Variants in NUS1 observed in about 807,000 individuals in gnomAD.
NUS1 encodes dehydrodolichyl diphosphate synthase complex subunit NUS1.
For synonymous variants in NUS1, 135 were observed against 155.2 expected (o/e 0.87, Z 0.97); for missense variants, 292 against 382.9 (o/e 0.76, Z 1.98).
chr6:117,683,015 AT>A (rs925949368), intron 1 of NUS1, among the ~76,000 whole-genome samples: 1 of 152,188 alleles, frequency 6.6e-6, no homozygotes, highest in Non-Finnish European at 1.5e-5. Context: ...TATAGGACAC[AT>A]TTTTTAAAAA....
chr6:117,696,348 A>T (rs1773320553), intron 3 of NUS1, among the ~76,000 whole-genome samples: 1 of 152,144 alleles, frequency 6.6e-6, no homozygotes, highest in South Asian at 2.1e-4. Flanking sequence ...ATGGGTTACA[A>T]AGTTTATTTA....
At chr6:117,686,900 A>C (rs1773149391) in intron 1 of NUS1, among the ~76,000 whole-genome samples, 2 of 144,982 alleles carry the variant, frequency 1.4e-5, no homozygotes, top group South Asian at 4.4e-4. Flanking sequence ...GTGTGTGTGT[A>C]GACATTGAAT....
chr6:117,680,363 G>T (rs2114677893), intron 1 of NUS1, among the ~76,000 whole-genome samples: 1 of 152,308 alleles, frequency 6.6e-6, no homozygotes, highest in East Asian at 1.9e-4. Flanking sequence ...AGTGTTGTTT[G>T]CCTGTGTCTC....
intron 1 of NUS1, among the ~76,000 whole-genome samples, chr6:117,676,470 A>G (rs143797072): frequency 0.045 from 6,788 of 152,134 alleles, 264 homozygotes; most frequent in Non-Finnish European, 0.069. Flanking sequence ...CCCAGCTACT[A>G]GGGAGGCTGA....
intron 1 of NUS1, among the ~76,000 whole-genome samples, chr6:117,683,446 A>G (rs74400690): frequency 0.038 from 5,778 of 152,232 alleles, 392 homozygotes; most frequent in African/African-American, 0.13. Flanking sequence ...CTCCATAAAT[A>G]TATGTTTTCT....
chr6:117,701,968 A>T (rs1773418012), intron 3 of NUS1, among the ~76,000 whole-genome samples: 1 of 152,122 alleles, frequency 6.6e-6, no homozygotes, highest in African/African-American at 2.4e-5. Context: ...GATTTCTGGT[A>T]TTGGAAACTG....
chr6:117,685,488 A>G (rs964709094), intron 1 of NUS1, among the ~76,000 whole-genome samples: 9 of 151,578 alleles, frequency 5.9e-5, no homozygotes, highest in Non-Finnish European at 1.3e-4. Flanking sequence ...CCTCCTGAGT[A>G]GGTTGTACTA....
chr6:117,693,932 T>C (rs748518417), intron 2 of NUS1, 99 bp from the exon 3 acceptor site: 451 of 1,300,248 alleles, frequency 3.5e-4, no homozygotes, highest in Non-Finnish European at 4.5e-4. Context: ...GTAAGAACTG[T>C]ATGTTTATTT....
chr6:117,702,891 G>A (rs1773431312), intron 3 of NUS1, among the ~76,000 whole-genome samples: 1 of 152,182 alleles, frequency 6.6e-6, no homozygotes, highest in South Asian at 2.1e-4. Flanking sequence ...TTGGATTATA[G>A]TATCTTTTTT....
intron 3 of NUS1, among the ~76,000 whole-genome samples, chr6:117,694,616 G>A (rs1043597299): frequency 8.6e-5 from 13 of 151,790 alleles, no homozygotes; most frequent in Admixed American, 2.6e-4. Context: ...TTTCTATTAT[G>A]CTATACCAAA....
chr6:117,678,253 TG>T (rs1773011785), intron 1 of NUS1, among the ~76,000 whole-genome samples: 4 of 152,116 alleles, frequency 2.6e-5, no homozygotes, highest in Non-Finnish European at 4.4e-5. Context: ...TTTTTTTGTT[TG>T]TTTTTTTTAA....
In NUS1 at chr6:117,709,678, G is replaced by A. The variant is rs1444981837; in HGVS notation, c.*2663G>A. On this transcript the variant is annotated 3_prime_UTR_variant, in exon 5 of 5. Transcript: ENST00000368494. ...GTCAATCAAATCCTTGTGATGTTTTGTATGGACTTTGACAATATGTAAATA... is the reference window on the plus strand; with the variant it reads ...GTCAATCAAATCCTTGTGATGTTTTATATGGACTTTGACAATATGTAAATA... 6.6e-6 allele frequency: 1 copy of A among 152,410 alleles called. No homozygotes were observed. Among genetic ancestry groups the A allele is most frequent in the East Asian group, 1.9e-4 (1 of 5,196 alleles). The allele number at this position is 152,410 out of a possible 1,614,324, so 9.4% of individuals were successfully genotyped here.
At chr6:117,703,505 A>G (rs1481261150) in intron 3 of NUS1, 100 bp from the exon 4 acceptor site, 3 of 876,384 alleles carry the variant, frequency 3.4e-6, no homozygotes, top group Non-Finnish European at 3.8e-6. Flanking sequence ...TAAAGAACCA[A>G]TTTGATTAAT....
intron 3 of NUS1, among the ~76,000 whole-genome samples, chr6:117,698,527 GAA>G (rs139492925): frequency 0.045 from 6,856 of 152,030 alleles, 401 homozygotes; most frequent in East Asian, 0.27. Context: ...CTGAAGTAAT[GAA>G]AAGTCTTAGA....
At chr6:117,692,838 CT>C (rs146771267) in intron 1 of NUS1, among the ~76,000 whole-genome samples, 1 of 151,814 alleles carries the variant, frequency 6.6e-6, no homozygotes, top group Non-Finnish European at 1.5e-5. Context: ...TACCTCTGTT[CT>C]TTTTTTTGCT....
chr6:117,678,767 G>A (rs1479261163), intron 1 of NUS1, among the ~76,000 whole-genome samples: 2 of 140,480 alleles, frequency 1.4e-5, no homozygotes, highest in Non-Finnish European at 3.0e-5. Context: ...TGCAACCTCC[G>A]TCTCCCAGAT....
intron 3 of NUS1, among the ~76,000 whole-genome samples, chr6:117,697,587 T>G (rs1172122104): frequency 6.6e-6 from 1 of 151,846 alleles, no homozygotes; most frequent in Admixed American, 6.6e-5. Context: ...GATAAAGGGG[T>G]CATTTTAGCA....
At chr6:117,688,026 G>C (rs1254758162) in intron 1 of NUS1, among the ~76,000 whole-genome samples, 2 of 151,998 alleles carry the variant, frequency 1.3e-5, no homozygotes, top group African/African-American at 4.8e-5. Context: ...AGACCAGCCT[G>C]GTCAACAAAG....
chr6:117,685,514 A>C (rs1773124084), intron 1 of NUS1, among the ~76,000 whole-genome samples: 1 of 151,954 alleles, frequency 6.6e-6, no homozygotes, highest in Non-Finnish European at 1.5e-5. Flanking sequence ...ACAAGCCACC[A>C]TGCCTGGCTA....
Sources: gnomAD v4.1 joint callset for allele counts (sites outside exome capture counted in the v4.1 genomes callset) on GRCh38, gnomAD v4.1.1 for gene constraint, MANE v1.5 for transcripts, NCBI Gene and HGNC (gene_info 2026-07-23, HGNC 2026-07-21) for gene names.